The following UBA6 variants were observed in gnomAD, a reference collection of about 807,000 sequenced individuals.
UBA6 encodes the protein ubiquitin like modifier activating enzyme 6, also known as ubiquitin-like modifier-activating enzyme 6.
Under a neutral mutation model 148.3 loss-of-function variants are expected in UBA6, and 87 were observed. The observed-to-expected ratio is 0.59, with a 90% CI of 0.49 to 0.70. UBA6 has a LOEUF of 0.70. Ranked by LOEUF, UBA6 falls within the 30% of genes least tolerant of loss-of-function variation. The pLI is 0.00. For synonymous variants in UBA6, 376 were observed against 401.0 expected, an observed-to-expected ratio of 0.94 and a Z score of 0.75; for missense variants, 1,186 against 1,241.2, an observed-to-expected ratio of 0.96 and a Z score of 0.67.
chr4:67,639,683 C>T (rs1357890181), intron 18 of UBA6, among the ~76,000 whole-genome samples: 2 of 152,142 alleles, frequency 1.3e-5, no homozygotes, highest in South Asian at 2.1e-4. Context: ...CCTAAAACTA[C>T]AGACAGTACC....
chr4:67,656,397 A>C (rs1440812392), intron 13 of UBA6, among the ~76,000 whole-genome samples: 2 of 152,248 alleles, frequency 1.3e-5, no homozygotes, highest in Non-Finnish European at 2.9e-5. Context: ...AATAAATGTA[A>C]TCTATCACAT....
Position 67,665,282 on chromosome 4 carries a change from T to C in UBA6, c.804A>G (p.Pro268=), listed in dbSNP as rs1437841409. ...TGGTGTCACCAATACTAAAAGAAAATGGCGATATCACTAGAAGACAAAAAA... is the reference window on the plus strand; with the variant it reads ...TGGTGTCACCAATACTAAAAGAAAACGGCGATATCACTAGAAGACAAAAAA... ...GSIQQITVIS[P]FSFSIGDTTE... The change falls in exon 10 of 33, where the codon CCA becomes CCG. Residue 268 remains proline, a synonymous_variant. Coordinates refer to ENST00000322244, the MANE Select transcript of UBA6 (RefSeq NM_018227.6). 1.3e-6 allele frequency: 2 copies of C among 1,594,644 alleles called. No individual in the cohort carries two copies. Among genetic ancestry groups the C allele is most frequent in the East Asian group, 2.3e-5 (1 of 44,306 alleles).
In UBA6 at chr4:67,657,714, GA is replaced by G. The variant is rs560267063; in HGVS notation, c.1104+4474del. 1.6e-3 allele frequency among the ~76,000 whole-genome samples: 231 copies of G among 146,758 alleles called. 3 individuals carry two copies. Among genetic ancestry groups the G allele is most frequent in the African/African-American group, 3.2e-3 (129 of 39,768 alleles). On this transcript the variant is annotated intron_variant, in intron 13 of 32. Transcript: ENST00000322244. ...ACTAAAGAGCTTCTGCACAGCAAAA[GA>G]AACTATCATCAGAGTGAACAGCAAC...
intron 6 of UBA6, 112 bp downstream of exon 6, chr4:67,677,499 T>C (rs1577832855): frequency 4.0e-6 from 2 of 496,374 alleles, no homozygotes. Context: ...TACCTTGAAA[T>C]TTTTTTGTTC....
intron 14 of UBA6, 98 bp from the exon 15 acceptor site, chr4:67,646,889 AT>A: frequency 1.9e-6 from 1 of 523,314 alleles, no homozygotes; most frequent in Non-Finnish European, 3.0e-6. Context: ...GAAGAAAAAA[AT>A]GATAAAATAA....
At chr4:67,678,647 G>A in intron 4 of UBA6, 114 bp from the exon 5 acceptor site, 1 of 461,808 alleles carries the variant, frequency 2.2e-6, no homozygotes. Flanking sequence ...ACAATGAAAA[G>A]TAAACAAAGG....
chr4:67,633,520 C>T, intron 22 of UBA6, 47 bp from the exon 23 acceptor site: 2 of 1,514,904 alleles, frequency 1.3e-6, no homozygotes, highest in Non-Finnish European at 1.8e-6. Flanking sequence ...CAATTACAAA[C>T]ATATACACAT....
chr4:67,654,825 T>C (rs1289680074), intron 13 of UBA6, among the ~76,000 whole-genome samples: 1 of 98,446 alleles, frequency 1.0e-5, no homozygotes, highest in Non-Finnish European at 2.1e-5. Context: ...AGTCTCAAAA[T>C]AAAGGGATGG....
intron 9 of UBA6, among the ~76,000 whole-genome samples, chr4:67,667,541 C>T (rs893649548): frequency 3.4e-5 from 5 of 148,906 alleles, no homozygotes; most frequent in African/African-American, 1.2e-4. Flanking sequence ...AAAAGTAATT[C>T]CATTTACTGT....
In UBA6 at chr4:67,701,105, C is replaced by G. The variant is rs138912167; in HGVS notation, c.15G>C (p.Glu5Asp). The part of the protein sequence containing the change: MEGS[E>D]PVAAHQGEEA... ...CTTCCCCCTGATGGGCGGCCACAGG[C>G]TCGGATCCTTCCATTGCCGCCTGAG... Residue 5 changes from glutamate to aspartate, a missense_variant, in exon 1 of 33, where the codon GAG becomes GAC. Coordinates refer to ENST00000322244, the MANE Select transcript of UBA6 (RefSeq NM_018227.6). 1.9e-6 allele frequency: 3 copies of G among 1,613,464 alleles called. No individual in the cohort carries two copies. Among genetic ancestry groups the G allele is most frequent in the Non-Finnish European group, 1.7e-6 (2 of 1,179,830 alleles).
chr4:67,624,119 T>C lies in UBA6; in HGVS notation c.2840+7A>G, dbSNP rs1295266879. 3 of 1,576,528 alleles carry C rather than the reference T, an allele frequency of 1.9e-6. No individual in the cohort carries two copies. The highest frequency in any genetic ancestry group is 2.6e-6 in the Non-Finnish European group (3 of 1,164,282). ...ATTATACAAGAGAAATAGACTTTCA[T>C]ACATACCTGATTTTAGTTTTCCTTA... On this transcript the variant is annotated splice_region_variant and intron_variant, in intron 30 of 32. Transcript: ENST00000322244.
chr4:67,693,930 T>C (rs527559691), intron 2 of UBA6, among the ~76,000 whole-genome samples: 22 of 151,786 alleles, frequency 1.4e-4, no homozygotes, highest in African/African-American at 5.1e-4. Flanking sequence ...AAAGAGAAAA[T>C]ACAGCTGGGC....
intron 9 of UBA6, among the ~76,000 whole-genome samples, chr4:67,665,600 TATA>T (rs945179012): frequency 2.0e-5 from 3 of 151,690 alleles, no homozygotes; most frequent in African/African-American, 7.2e-5. Context: ...GCCTCAATAA[TATA>T]ATAATAACTA....
chr4:67,676,904 A>AC (rs1730294369), intron 6 of UBA6, among the ~76,000 whole-genome samples: 1 of 151,962 alleles, frequency 6.6e-6, no homozygotes, highest in Non-Finnish European at 1.5e-5. Context: ...TCACAGAAAA[A>AC]AAAAAAAAAA....
At chr4:67,640,739 G>A (rs1729285123) in intron 18 of UBA6, among the ~76,000 whole-genome samples, 1 of 152,198 alleles carries the variant, frequency 6.6e-6, no homozygotes, top group African/African-American at 2.4e-5. Flanking sequence ...AAAAACGGAT[G>A]TTGGTCAAAC....
intron 11 of UBA6, chr4:67,663,427 T>G (rs1461342779): frequency 2.4e-6 from 1 of 425,142 alleles, no homozygotes; most frequent in Non-Finnish European, 4.2e-6. Flanking sequence ...TAATCCCCTT[T>G]CCTTATTAAA....
chr4:67,682,465 C>T (rs1730466859), intron 2 of UBA6, among the ~76,000 whole-genome samples: 1 of 152,134 alleles, frequency 6.6e-6, no homozygotes, highest in Non-Finnish European at 1.5e-5. Context: ...AAGAGTTGCC[C>T]TGTTTAGGCA....
intron 13 of UBA6, among the ~76,000 whole-genome samples, chr4:67,651,814 A>G (rs542165260): frequency 2.0e-5 from 3 of 152,202 alleles, no homozygotes; most frequent in Non-Finnish European, 4.4e-5. Context: ...GTTGACAAAA[A>G]TGCCATGACA....
At chr4:67,627,520 A>G (rs1728895595) in intron 27 of UBA6, among the ~76,000 whole-genome samples, 1 of 152,004 alleles carries the variant, frequency 6.6e-6, no homozygotes, top group Admixed American at 6.6e-5. Context: ...AAGTAAAGTT[A>G]AAGCATTTTT....
Sources: allele counts gnomAD v4.1 joint callset (sites outside exome capture counted in the v4.1 genomes callset), GRCh38; gene constraint gnomAD v4.1.1; transcripts MANE v1.5; gene names NCBI Gene and HGNC (gene_info 2026-07-23, HGNC 2026-07-21).